Variants in GABRG1 observed in about 807,000 individuals in gnomAD.
GABRG1 encodes the protein gamma-aminobutyric acid type A receptor subunit gamma1.
GABRG1 carries 49 observed loss-of-function variants against 49.8 expected under a neutral mutation model. The ratio of observed to expected loss-of-function variants is 0.98; its 90% CI spans 0.78 to 1.25. The LOEUF (loss-of-function observed/expected upper bound fraction) is 1.25. GABRG1 is among the 50% of genes most tolerant of loss of function. The probability of loss-of-function intolerance (pLI) is 0.00; values close to 1 mark genes in which losing one functional copy is unlikely to be tolerated. For missense variants in GABRG1, 552 were observed against 552.3 expected (o/e 1.00, Z 0.01); for synonymous variants, 232 against 185.1 (o/e 1.25, Z -2.06).
At chr4:46,076,047 C>G (rs1719312952) in intron 3 of GABRG1, among the ~76,000 whole-genome samples, 1 of 151,650 alleles carries the variant, frequency 6.6e-6, no homozygotes, top group South Asian at 2.1e-4. Flanking sequence ...CCTGACTTCA[C>G]CACAGCACAA....
At chr4:46,068,110 A>T (rs1041122924) in intron 3 of GABRG1, among the ~76,000 whole-genome samples, 4 of 152,166 alleles carry the variant, frequency 2.6e-5, no homozygotes, top group Non-Finnish European at 5.9e-5. Flanking sequence ...CATGATGTCT[A>T]ATTTTAATGG....
chr4:46,118,130 G>GTATATATATATATATA (rs1413498033), intron 1 of GABRG1, among the ~76,000 whole-genome samples: 1 of 72,578 alleles, frequency 1.4e-5, no homozygotes, highest in Admixed American at 1.2e-4. Context: ...ACGTGTGTGT[G>GTATATATATATATATA]TGTATATATA....
At position 46,041,257 on chromosome 4, in the gene GABRG1, G is replaced by T. The variant is rs1191891536; in HGVS notation, c.1132-3C>A. On this transcript the variant is annotated splice_polypyrimidine_tract_variant and splice_region_variant and intron_variant, in intron 8 of 8. Transcript: ENST00000295452. ...CCAGGATGGAGACCAGGAGTCATCT[G>T]AGCACAATAATAAATGAATTTTTGA... The T allele has an allele frequency of 6.2e-7, 1 of 1,609,540 alleles. No individual in the cohort carries two copies.
chr4:46,047,856 C>T (rs937705906), intron 8 of GABRG1, among the ~76,000 whole-genome samples: 54 of 151,934 alleles, frequency 3.6e-4, no homozygotes, highest in African/African-American at 1.2e-3. Context: ...CATTTTTTCA[C>T]AACTGGATGT....
chr4:46,064,278 T>A (rs905267365), intron 5 of GABRG1, among the ~76,000 whole-genome samples, 163 bp downstream of exon 5: 1 of 152,090 alleles, frequency 6.6e-6, no homozygotes, highest in Non-Finnish European at 1.5e-5. Context: ...ACTTTTAGTT[T>A]AAAAGCAAGA....
intron 1 of GABRG1, among the ~76,000 whole-genome samples, chr4:46,115,424 T>TTA (rs1720853100): frequency 6.6e-6 from 1 of 150,792 alleles, no homozygotes; most frequent in Non-Finnish European, 1.5e-5. Flanking sequence ...CAGTAAATTG[T>TTA]TATATATACC....
chr4:46,086,506 T>A (rs1719758865), intron 2 of GABRG1, among the ~76,000 whole-genome samples: 1 of 151,590 alleles, frequency 6.6e-6, no homozygotes. Context: ...TTTTGGTCAC[T>A]TTTGTATATT....
intron 3 of GABRG1, among the ~76,000 whole-genome samples, chr4:46,074,741 T>G (rs1486009012): frequency 6.6e-6 from 1 of 152,118 alleles, no homozygotes; most frequent in Non-Finnish European, 1.5e-5. Flanking sequence ...TTGCTAGATA[T>G]AAAAATAACA....
intron 8 of GABRG1, among the ~76,000 whole-genome samples, chr4:46,042,487 A>G (rs920357508): frequency 2.6e-5 from 4 of 151,958 alleles, no homozygotes; most frequent in African/African-American, 9.7e-5. Context: ...CTCTCTAAAC[A>G]TTAAATATAG....
At chr4:46,052,270 C>G (rs1718256821) in intron 7 of GABRG1, among the ~76,000 whole-genome samples, 1 of 149,270 alleles carries the variant, frequency 6.7e-6, no homozygotes, top group Admixed American at 6.7e-5. Context: ...TTCACATAAG[C>G]AACAGATATT....
Position 46,058,342 on chromosome 4 carries a change from A to T in GABRG1, c.791T>A (p.Phe264Tyr). 6.2e-7 allele frequency: 1 copy of T among 1,611,796 alleles called. No individual in the cohort carries two copies. The highest frequency in any genetic ancestry group is 1.7e-5 in the Admixed American group (1 of 59,644). Residue 264 changes from phenylalanine to tyrosine, a missense_variant, in exon 7 of 9, where the codon TTT becomes TAT. Transcript: ENST00000295452. ...ATATCCCATTCTTCTGCTCAGGTCA[A>T]AAAAAATTGTCATGATAACATAATC... The part of the protein sequence containing the change: ...SGDYVIMTIF[F>Y]DLSRRMGYFT...
At chr4:46,100,735 T>G (rs1391501942) in intron 1 of GABRG1, among the ~76,000 whole-genome samples, 8 of 148,900 alleles carry the variant, frequency 5.4e-5, no homozygotes, top group African/African-American at 1.9e-4. Context: ...TTTTTCTGTT[T>G]TTTTTTTTAT....
At chr4:46,097,529 C>T (rs1348401118) in intron 1 of GABRG1, among the ~76,000 whole-genome samples, 180 bp from the exon 2 acceptor site, 1 of 151,428 alleles carries the variant, frequency 6.6e-6, no homozygotes, top group East Asian at 2.0e-4. Flanking sequence ...TGATATAATA[C>T]TCAAAAAATG....
At position 46,036,315 on chromosome 4, in the gene GABRG1, T is replaced by C. The variant is rs1026066372; in HGVS notation, c.*4673A>G. 2.6e-5 allele frequency: 4 copies of C among 151,754 alleles called. No homozygotes were observed. Among genetic ancestry groups the C allele is most frequent in the Admixed American group, 6.6e-5 (1 of 15,212 alleles). 9.4% of individuals were successfully genotyped at this position (151,754 alleles called of 1,614,324 possible). The stretch of plus-strand genomic sequence containing the variant: ...ATATAATTTTATACATATATATATG[T>C]ATGTATGTCTCAGTTAGAAAACTGG... On this transcript the variant is annotated 3_prime_UTR_variant, in exon 9 of 9. Transcript: ENST00000295452.
chr4:46,048,370 AGAAG>A (rs143416418), intron 8 of GABRG1, among the ~76,000 whole-genome samples: 30,512 of 121,000 alleles, frequency 0.25, 3,796 homozygotes, highest in East Asian at 0.45. Flanking sequence ...AATGGAATAG[AGAAG>A]GAAGGAAGGA....
rs1718112377 is a variant in GABRG1 at position 46,048,990 on chromosome 4, C to A, written c.1131+2434G>T. Among the ~76,000 whole-genome samples the A allele has an allele frequency of 2.0e-5, 3 of 151,876 alleles. No individual in the cohort carries two copies. The Admixed American group carries it at 2.0e-4, about 10-fold the overall frequency. On this transcript the variant is annotated intron_variant, in intron 8 of 8. Coordinates refer to ENST00000295452, the MANE Select transcript of GABRG1 (RefSeq NM_173536.4). The stretch of plus-strand genomic sequence containing the variant: ...CTTAATAACAGAATTGTTGACCTTT[C>A]AGCAACTCTCTAGCCAAAGTATTGC...
intron 1 of GABRG1, among the ~76,000 whole-genome samples, chr4:46,106,187 T>C (rs1275251098): frequency 6.6e-6 from 1 of 151,444 alleles, no homozygotes; most frequent in Admixed American, 6.6e-5. Flanking sequence ...CTTTCATTCC[T>C]GACAGTGGAG....
chr4:46,105,640 T>C (rs1434178599), intron 1 of GABRG1, among the ~76,000 whole-genome samples: 1 of 151,518 alleles, frequency 6.6e-6, no homozygotes. Context: ...ACTGTATTTA[T>C]ACCACCATAA....
At chr4:46,120,589 AAGTT>A (rs2109448971) in intron 1 of GABRG1, among the ~76,000 whole-genome samples, 1 of 151,886 alleles carries the variant, frequency 6.6e-6, no homozygotes, top group Non-Finnish European at 1.5e-5. Context: ...TTTGCTTTTC[AAGTT>A]TGAATGGTTA....
Sources: gnomAD v4.1 joint callset for allele counts (sites outside exome capture counted in the v4.1 genomes callset) on GRCh38, gnomAD v4.1.1 for gene constraint, MANE v1.5 for transcripts, NCBI Gene and HGNC (gene_info 2026-07-23, HGNC 2026-07-21) for gene names.